PSD: variants seen among roughly 807,000 people sequenced by gnomAD.
The protein encoded by PSD is PH and SEC7 domain-containing protein 1.
PSD carries 32 observed loss-of-function variants against 91.6 expected under a neutral mutation model. The ratio of observed to expected loss-of-function variants is 0.35; its 90% CI spans 0.26 to 0.47. The LOEUF (loss-of-function observed/expected upper bound fraction) is 0.47. Ranked by LOEUF, PSD falls within the 20% of genes least tolerant of loss-of-function variation. The pLI, the probability that PSD is intolerant of heterozygous loss-of-function variation, is 1.00. For synonymous variants in PSD, 532 were observed against 569.3 expected (o/e 0.93, Z 0.93); for missense variants, 1,099 against 1,373.9 (o/e 0.80, Z 3.16).
chr10:102,416,082 T>C lies in PSD; in HGVS notation c.692A>G (p.His231Arg), dbSNP rs896852481. 13 of 1,613,652 alleles carry C rather than the reference T, an allele frequency of 8.1e-6. No homozygotes were observed. The Admixed American group carries it at 2.0e-4, about 25-fold the overall frequency. The change falls in exon 3 of 17, where the codon CAT (histidine) becomes CGT (arginine). Residue 231 changes from histidine (H) to arginine (R), a missense_variant. His to Arg is a conservative substitution (Grantham distance 29, BLOSUM62 0). Coordinates refer to ENST00000020673, the MANE Select transcript of PSD (RefSeq NM_002779.5). The surrounding 1 kb of genome is among the most constrained non-coding windows in gnomAD (Gnocchi z 6.0). ...TWSSPREVSS[H>R]AQRIARAKWE... ...TTTGGCTCTAGCGATTCTCTGGGCA[T>C]GAGAGGAGACTTCCCGGGGGGAGGA...
chr10:102,418,089 ACG>A (rs1466311391), intron 1 of PSD, among the ~76,000 whole-genome samples: 12 of 145,134 alleles, frequency 8.3e-5, no homozygotes, highest in African/African-American at 2.1e-4. Flanking sequence ...ACACACACAC[ACG>A]CACACACATA....
At position 102,415,166 on chromosome 10, in the gene PSD, C is replaced by A. The variant is rs142011828; in HGVS notation, c.821G>T (p.Gly274Val). 2 of 1,613,318 alleles carry A rather than the reference C, an allele frequency of 1.2e-6. No homozygotes were observed. The highest frequency in any genetic ancestry group is 8.5e-7 in the Non-Finnish European group (1 of 1,179,970). Reference protein sequence around the residue: ...PPGVGSRQGSGVAVGRAAKYS... With the variant: ...PPGVGSRQGSVVAVGRAAKYS... ...CTTGGCTGCTCGCCCCACAGCCACC[C>A]CAGAGCCCTGCCTTGAGCCCACCCC... Residue 274 changes from glycine to valine, a missense_variant, in exon 4 of 17, where the codon GGG becomes GTG. By Grantham distance (109) the Gly-to-Val change is moderately radical. Transcript: ENST00000020673.
chr10:102,416,276 A>G lies in PSD; in HGVS notation c.654+109T>C. 7.3e-7 allele frequency: 1 copy of G among 1,369,442 alleles called. No individual in the cohort carries two copies. The highest frequency in any genetic ancestry group is 2.5e-5 in the East Asian group (1 of 40,070). The allele number at this position is 1,369,442 out of a possible 1,614,324, so 84.8% of individuals were successfully genotyped here. On this transcript the variant is annotated intron_variant, in intron 2 of 16. Transcript: ENST00000020673. This position sits in a 1 kb window ranked among gnomAD's most constrained non-coding sequence, Gnocchi z 6.0. ...CAGAGGGCAAGAGAGAGGCAGATTT[A>G]GAACAGATTAAAGGATTCAGAGTGA...
In PSD at chr10:102,412,174, G is replaced by A. The variant is rs764902290; in HGVS notation, c.1802C>T (p.Thr601Met). The A allele has an allele frequency of 3.7e-6, 6 of 1,614,024 alleles. No homozygotes were observed. Among genetic ancestry groups the A allele is most frequent in the East Asian group, 2.2e-5 (1 of 44,904 alleles). ...AGEYLKFFVF[T>M]GMTLDQALRV... Reference sequence around the variant, plus strand: ...GAGAGCTTGGTCCAGAGTCATGCCCGTGAAGACAAAGAACTTGAGGTACTC... The same window carrying A: ...GAGAGCTTGGTCCAGAGTCATGCCCATGAAGACAAAGAACTTGAGGTACTC... The change falls in exon 7 of 17, where the codon ACG becomes ATG. Residue 601 changes from threonine (T) to methionine (M), a missense_variant. Transcript: ENST00000020673.
chr10:102,416,896 C>G lies in PSD; in HGVS notation c.143G>C (p.Arg48Pro). 6.2e-7 allele frequency: 1 copy of G among 1,607,774 alleles called. No individual in the cohort carries two copies. The highest frequency in any genetic ancestry group is 8.5e-7 in the Non-Finnish European group (1 of 1,178,310). ...SMYGSTGSLL[R>P]RVAGPGPRGR... ...TCGAGGACCTGGACCTGCCACTCGCCGTAGCAAGGAGCCTGTGCTGCCATA... is the reference window on the plus strand; with the variant it reads ...TCGAGGACCTGGACCTGCCACTCGCGGTAGCAAGGAGCCTGTGCTGCCATA... Residue 48 changes from arginine (R) to proline (P), a missense_variant, in exon 2 of 17, where the codon CGG becomes CCG. By Grantham distance (103) the Arg-to-Pro change is moderately radical (BLOSUM62 -2). This residue lies in a region of PSD where 631 missense variants were observed against 728.8 expected (regional missense o/e 0.87). Coordinates refer to ENST00000020673, the MANE Select transcript of PSD (RefSeq NM_002779.5). The surrounding 1 kb of genome is among the most constrained non-coding windows in gnomAD (Gnocchi z 6.0).
intron 6 of PSD, 31 bp from the exon 7 acceptor site, chr10:102,412,258 C>A: frequency 6.2e-7 from 1 of 1,613,334 alleles, no homozygotes. Flanking sequence ...CAGGTAGGGT[C>A]TCAAGGGGAA....
Position 102,410,587 on chromosome 10 carries a change from G to T in PSD, c.2091+271C>A, listed in dbSNP as rs1376285087. Reference sequence around the variant, plus strand: ...GAACTGAAGGCAAACGCAGGGGCCGGGGCCGCCTGCTCGCGTTTTCCAGAG... The same window carrying T: ...GAACTGAAGGCAAACGCAGGGGCCGTGGCCGCCTGCTCGCGTTTTCCAGAG... On this transcript the variant is annotated intron_variant, in intron 10 of 16. Coordinates refer to ENST00000020673, the MANE Select transcript of PSD (RefSeq NM_002779.5). The surrounding 1 kb of genome is among the most constrained non-coding windows in gnomAD (Gnocchi z 6.0). Among the ~76,000 whole-genome samples the T allele has an allele frequency of 6.6e-6, 1 of 152,210 alleles. No homozygotes were observed. Among genetic ancestry groups the T allele is most frequent in the East Asian group, 1.9e-4 (1 of 5,192 alleles).
Position 102,404,032 on chromosome 10 carries a change from G to A in PSD, c.2701-47C>T. 6.7e-7 allele frequency: 1 copy of A among 1,482,096 alleles called. No individual in the cohort carries two copies. The highest frequency in any genetic ancestry group is 2.5e-5 in the East Asian group (1 of 39,682). The allele number at this position is 1,482,096 out of a possible 1,614,324, so 91.8% of individuals were successfully genotyped here. ...GGTCATGGTCACTCTGCCCTATACA[G>A]TGCCTCTGCAGATTTTTAAAAAGAT... On this transcript the variant is annotated intron_variant, in intron 15 of 16. Coordinates refer to ENST00000020673, the MANE Select transcript of PSD (RefSeq NM_002779.5). This position sits in a 1 kb window ranked among gnomAD's most constrained non-coding sequence, Gnocchi z 5.7.
chr10:102,404,769 T>A lies in PSD; in HGVS notation c.2556-42A>T, dbSNP rs755524752. 2 of 1,554,262 alleles carry A rather than the reference T, an allele frequency of 1.3e-6. No homozygotes were observed. Among genetic ancestry groups the A allele is most frequent in the South Asian group, 1.2e-5 (1 of 81,270 alleles). On this transcript the variant is annotated intron_variant, in intron 14 of 16. Transcript: ENST00000020673. This position sits in a 1 kb window ranked among gnomAD's most constrained non-coding sequence, Gnocchi z 5.7. Reference sequence around the variant, plus strand: ...GCCCTTTGGGACCTGGGCCCAGGGTTTCTGTCCCAGGATGCCAGTCCTGGC... The same window carrying A: ...GCCCTTTGGGACCTGGGCCCAGGGTATCTGTCCCAGGATGCCAGTCCTGGC...
chr10:102,409,371 A>C lies in PSD; in HGVS notation c.2091+1487T>G, dbSNP rs2061401766. The stretch of plus-strand genomic sequence containing the variant: ...CATGAAATGGAGGCGCCCGATCGCG[A>C]AGGGGGCCCTCCCCGCGCGGCCACG... On this transcript the variant is annotated intron_variant, in intron 10 of 16. Coordinates refer to ENST00000020673, the MANE Select transcript of PSD (RefSeq NM_002779.5). The surrounding 1 kb of genome is among the most constrained non-coding windows in gnomAD (Gnocchi z 5.7). 1.0e-6 allele frequency: 1 copy of C among 984,914 alleles called. No individual in the cohort carries two copies. The allele number at this position is 984,914 out of a possible 1,614,324, so 61.0% of individuals were successfully genotyped here.
In PSD at chr10:102,404,613, G is replaced by A. The variant is rs1337746611; in HGVS notation, c.2670C>T (p.Leu890=). The change falls in exon 15 of 17, where the codon CTC becomes CTT. Residue 890 remains leucine (L), a synonymous_variant. Transcript: ENST00000020673. The surrounding 1 kb of genome is among the most constrained non-coding windows in gnomAD (Gnocchi z 5.7). ...AGAGGCGGGTGGCAGCGCTGGGCAGGAGAGGGCGGCTGAACTTCTTTTGGG... is the reference window on the plus strand; with the variant it reads ...AGAGGCGGGTGGCAGCGCTGGGCAGAAGAGGGCGGCTGAACTTCTTTTGGG... ...VSSQKKFSRP[L]LPSAATRLSQ... is the part of the protein sequence containing the mutation. The A allele has an allele frequency of 6.2e-7, 1 of 1,611,740 alleles. No homozygotes were observed. Among genetic ancestry groups the A allele is most frequent in the Admixed American group, 1.7e-5 (1 of 59,764 alleles).
rs150908349 is a variant in PSD at position 102,416,666 on chromosome 10, G to T, written c.373C>A (p.Arg125=). 1 of 1,610,082 alleles carries T rather than the reference G, an allele frequency of 6.2e-7. No homozygotes were observed. The highest frequency in any genetic ancestry group is 8.5e-7 in the Non-Finnish European group (1 of 1,178,450). The change falls in exon 2 of 17, where the codon CGG becomes AGG. Residue 125 remains arginine, a synonymous_variant. Coordinates refer to ENST00000020673, the MANE Select transcript of PSD (RefSeq NM_002779.5). This position sits in a 1 kb window ranked among gnomAD's most constrained non-coding sequence, Gnocchi z 6.0. ...GAAACCCCACCCAGATCCCAGCTCC[G>T]ACTCAAGCCCCCTGGAGCAGGTAGC... ...NGLPAPGGLS[R]SWDLGGVSPP...
chr10:102,418,060 A>AACACAC (rs3061745), intron 1 of PSD, among the ~76,000 whole-genome samples: 5 of 148,056 alleles, frequency 3.4e-5, no homozygotes, highest in African/African-American at 1.0e-4. Context: ...CACACACACA[A>AACACAC]ACACACACAC....
chr10:102,416,542 G>A lies in PSD; in HGVS notation c.497C>T (p.Ala166Val). 5.0e-6 allele frequency: 8 copies of A among 1,608,644 alleles called. No homozygotes were observed. The highest frequency in any genetic ancestry group is 6.8e-6 in the Non-Finnish European group (8 of 1,177,508). The change falls in exon 2 of 17, where the codon GCC (alanine) becomes GTC (valine). Residue 166 changes from alanine to valine, a missense_variant. Around this residue, in one of 3 missense-constraint regions of PSD, gnomAD observed 631 missense variants for 728.8 expected, o/e 0.87. Transcript: ENST00000020673. This position sits in a 1 kb window ranked among gnomAD's most constrained non-coding sequence, Gnocchi z 6.0. ...TACAAGGTTCCGGCTGCCAGGTAGG[G>A]CCGAGCCTCCTCTGGCGGGGAGTGG... ...SDPLPARGGS[A>V]LPGSRNLVHG...
Position 102,410,288 on chromosome 10 carries a change from G to A in PSD, c.2091+570C>T, listed in dbSNP as rs2135455235. On this transcript the variant is annotated intron_variant, in intron 10 of 16. Transcript: ENST00000020673. The surrounding 1 kb of genome is among the most constrained non-coding windows in gnomAD (Gnocchi z 6.0). ...ATCTGAGCCCTCGGTTGCGGGCCAT[G>A]GAGCTGGCGCCTGGGAACGGGACCT... Among the ~76,000 whole-genome samples, 1 of 152,334 alleles carries A rather than the reference G, an allele frequency of 6.6e-6. No homozygotes were observed. The highest frequency in any genetic ancestry group is 2.1e-4 in the South Asian group (1 of 4,832).
chr10:102,405,845 G>A lies in PSD; in HGVS notation c.2136-309C>T. The A allele has an allele frequency of 3.2e-6, 1 of 308,494 alleles. No homozygotes were observed. Among genetic ancestry groups the A allele is most frequent in the Non-Finnish European group, 6.1e-6 (1 of 164,972 alleles). The allele number at this position is 308,494 out of a possible 1,614,324, so 19.1% of individuals were successfully genotyped here. A position where few individuals can be genotyped will look rare whatever the true frequency, so the allele number is the denominator to read the frequency against. Reference sequence around the variant, plus strand: ...CAGCCCTCACACCCTTCTCCACCAGGACAGCCCCGGGCCTGCCTCCGCTGG... The same window carrying A: ...CAGCCCTCACACCCTTCTCCACCAGAACAGCCCCGGGCCTGCCTCCGCTGG... On this transcript the variant is annotated intron_variant, in intron 11 of 16. Transcript: ENST00000020673. This position sits in a 1 kb window ranked among gnomAD's most constrained non-coding sequence, Gnocchi z 5.4.
At position 102,403,543 on chromosome 10, in the gene PSD, G is replaced by A; in HGVS notation, c.2845-113C>T. On this transcript the variant is annotated intron_variant, in intron 16 of 16. Coordinates refer to ENST00000020673, the MANE Select transcript of PSD (RefSeq NM_002779.5). This position sits in a 1 kb window ranked among gnomAD's most constrained non-coding sequence, Gnocchi z 6.7. ...CAGAAGATGGCAGGTGCCCACCCAGGACTGTGAGATGGTCCCATGCGGGCT... is the reference window on the plus strand; with the variant it reads ...CAGAAGATGGCAGGTGCCCACCCAGAACTGTGAGATGGTCCCATGCGGGCT... 2.8e-6 allele frequency: 3 copies of A among 1,060,742 alleles called. No individual in the cohort carries two copies. Among genetic ancestry groups the A allele is most frequent in the South Asian group, 1.6e-5 (1 of 63,380 alleles). The allele number at this position is 1,060,742 out of a possible 1,614,324, so 65.7% of individuals were successfully genotyped here. A position where few individuals can be genotyped will look rare whatever the true frequency, so the allele number is the denominator to read the frequency against.
chr10:102,418,366 TCA>T (rs2061510548), intron 1 of PSD, among the ~76,000 whole-genome samples: 1 of 152,014 alleles, frequency 6.6e-6, no homozygotes, highest in African/African-American at 2.4e-5. Context: ...TATCAGACAC[TCA>T]CAGAGACCTA....
chr10:102,418,921 C>A (rs964814150), upstream of PSD: 1 of 343,706 alleles, frequency 2.9e-6, no homozygotes, highest in Middle Eastern at 1.0e-3. Context: ...GTCGCTAGGT[C>A]CCCGCTGGGC....
Sources: allele counts gnomAD v4.1 joint callset (sites outside exome capture counted in the v4.1 genomes callset), GRCh38; gene constraint gnomAD v4.1.1; regional missense constraint gnomAD v4.1.1; non-coding constraint Gnocchi (gnomAD v3.1); transcripts MANE v1.5; gene names NCBI Gene and HGNC (gene_info 2026-07-23, HGNC 2026-07-21).